Variants in PDE11A observed in about 807,000 individuals in gnomAD.
PDE11A encodes the protein phosphodiesterase 11A.
A neutral mutation model predicts 100.5 loss-of-function variants in PDE11A; 100 were observed. The observed-to-expected ratio is 1.00, with a 90% CI of 0.85 to 1.18. The LOEUF (loss-of-function observed/expected upper bound fraction) is 1.18, where lower values mean the gene tolerates loss of function less well. Among genes scored for constraint, PDE11A ranks in the 50% most tolerant of loss-of-function variants. PDE11A has a pLI of 0.00. For synonymous variants in PDE11A, 381 were observed against 420.8 expected (o/e 0.91, Z 1.16); for missense variants, 1,141 against 1,152.6 (o/e 0.99, Z 0.15).
At chr2:177,994,257 TA>T (rs2086041944) in intron 2 of PDE11A, among the ~76,000 whole-genome samples, 1 of 152,124 alleles carries the variant, frequency 6.6e-6, no homozygotes, top group African/African-American at 2.4e-5. Flanking sequence ...GATGTTATCT[TA>T]ATGATTGATG....
chr2:177,915,228 A>G (rs933504581), intron 2 of PDE11A, among the ~76,000 whole-genome samples: 14 of 152,208 alleles, frequency 9.2e-5, no homozygotes, highest in African/African-American at 2.7e-4. Context: ...AAAGTCTACA[A>G]TAGGTTCACT....
chr2:177,928,000 A>G (rs2105760811), intron 2 of PDE11A, among the ~76,000 whole-genome samples: 1 of 147,876 alleles, frequency 6.8e-6, no homozygotes, highest in Non-Finnish European at 1.5e-5. Context: ...GCTACTCGGG[A>G]GGCTGAGGCA....
chr2:177,794,528 A>G (rs2105541904), intron 9 of PDE11A, among the ~76,000 whole-genome samples: 1 of 152,310 alleles, frequency 6.6e-6, no homozygotes. Context: ...GGCCCAGTAT[A>G]CTTGCTAAAT....
chr2:177,704,653 T>C (rs1030259422), intron 13 of PDE11A, among the ~76,000 whole-genome samples: 1 of 152,160 alleles, frequency 6.6e-6, no homozygotes, highest in Non-Finnish European at 1.5e-5. Context: ...TTCTTCTGAA[T>C]GTTAAATGGC....
intron 10 of PDE11A, among the ~76,000 whole-genome samples, chr2:177,764,994 T>C (rs924729229): frequency 1.3e-5 from 2 of 152,248 alleles, no homozygotes; most frequent in African/African-American, 2.4e-5. Context: ...ACCCAAATTC[T>C]GACATTCTTG....
rs1435358998 is a variant in PDE11A at position 177,875,919 on chromosome 2, A to G, written c.1307T>C (p.Val436Ala). ...CAATTCAAAGGATTTGGTAAATTTC[A>G]CCACCTGTCGCATAGAAAGATAATA... is the stretch of plus-strand genomic sequence containing the variant. Reference protein sequence around the residue: ...LLLEDIESPVVKFTKSFELMS... With the variant: ...LLLEDIESPVAKFTKSFELMS... The change falls in exon 5 of 20, where the codon GTG becomes GCG. Residue 436 changes from valine (V) to alanine (A), a missense_variant. Physicochemically the swap from Val to Ala is moderately conservative, Grantham distance 64 (BLOSUM62 0). Transcript: ENST00000286063. 1.2e-6 allele frequency: 2 copies of G among 1,600,080 alleles called. No homozygotes were observed. Among genetic ancestry groups the G allele is most frequent in the South Asian group, 1.1e-5 (1 of 90,828 alleles).
At chr2:177,840,158 G>C (rs1202388682) in intron 6 of PDE11A, 93 bp downstream of exon 6, 24 of 1,318,644 alleles carry the variant, frequency 1.8e-5, no homozygotes, top group Non-Finnish European at 2.5e-5. Context: ...GGATGCAAAA[G>C]AATTGCTGGT....
chr2:177,880,371 C>T (rs2084310529), intron 4 of PDE11A, among the ~76,000 whole-genome samples: 1 of 152,064 alleles, frequency 6.6e-6, no homozygotes, highest in African/African-American at 2.4e-5. Flanking sequence ...GTGATCAAGC[C>T]CCAATAAAGA....
At chr2:177,642,934 G>C (rs527708202) in intron 19 of PDE11A, among the ~76,000 whole-genome samples, 32 of 152,310 alleles carry the variant, frequency 2.1e-4, no homozygotes, top group Admixed American at 1.1e-3. Context: ...GAGTTTCCCT[G>C]TACAAGCTCT....
At chr2:177,910,749 T>A (rs1254892635) in intron 2 of PDE11A, among the ~76,000 whole-genome samples, 2 of 152,214 alleles carry the variant, frequency 1.3e-5, no homozygotes, top group African/African-American at 4.8e-5. Flanking sequence ...CTCATTAAAC[T>A]ATCACTAATA....
intron 2 of PDE11A, chr2:178,104,288 C>A (rs749703994): frequency 6.2e-7 from 1 of 1,610,938 alleles, no homozygotes; most frequent in South Asian, 1.1e-5. Flanking sequence ...TCTCCCACAA[C>A]TGCTAGTTTT....
At chr2:178,055,788 A>C (rs2105861423) in intron 1 of PDE11A, among the ~76,000 whole-genome samples, 1 of 152,248 alleles carries the variant, frequency 6.6e-6, no homozygotes, top group South Asian at 2.1e-4. Flanking sequence ...ACGTTTTTCT[A>C]TTTCAAATAT....
At chr2:178,046,040 A>C (rs2086746103) in intron 1 of PDE11A, among the ~76,000 whole-genome samples, 1 of 152,208 alleles carries the variant, frequency 6.6e-6, no homozygotes, top group Non-Finnish European at 1.5e-5. Context: ...TAAACTTGGG[A>C]AAGTTACTAA....
chr2:178,019,391 C>G (rs1293014687), intron 1 of PDE11A, among the ~76,000 whole-genome samples: 1 of 152,148 alleles, frequency 6.6e-6, no homozygotes, highest in Non-Finnish European at 1.5e-5. Context: ...TGTCTTAAAA[C>G]AATCTGCCTA....
At chr2:177,998,507 T>A (rs986563862) in intron 2 of PDE11A, 5 of 1,387,226 alleles carry the variant, frequency 3.6e-6, no homozygotes, top group Non-Finnish European at 5.1e-6. Flanking sequence ...CAGTGGTAAA[T>A]TGAGGCAGTT....
At chr2:177,816,428 C>T (rs956896651) in intron 9 of PDE11A, among the ~76,000 whole-genome samples, 2 of 150,162 alleles carry the variant, frequency 1.3e-5, no homozygotes, top group Non-Finnish European at 2.9e-5. Flanking sequence ...AGTAGCTTTC[C>T]CCATCTAGGT....
At chr2:178,094,054 T>A (rs79291826) in intron 2 of PDE11A, among the ~76,000 whole-genome samples, 13,583 of 152,220 alleles carry the variant, frequency 0.089, 675 homozygotes, top group Middle Eastern at 0.13. Context: ...CAGACCATCA[T>A]CCTTATTTTC....
At chr2:178,021,635 C>T (rs2086413536) in intron 1 of PDE11A, among the ~76,000 whole-genome samples, 1 of 152,158 alleles carries the variant, frequency 6.6e-6, no homozygotes, top group African/African-American at 2.4e-5. Flanking sequence ...GCCAAGTAAT[C>T]ACCACAAATG....
chr2:177,905,774 G>C (rs896379824), intron 2 of PDE11A, among the ~76,000 whole-genome samples: 2 of 152,180 alleles, frequency 1.3e-5, no homozygotes, highest in African/African-American at 4.8e-5. Flanking sequence ...AGTTCTAATT[G>C]TGTCTGCCAC....
Sources: gnomAD v4.1 joint callset for allele counts (sites outside exome capture counted in the v4.1 genomes callset) on GRCh38, gnomAD v4.1.1 for gene constraint, MANE v1.5 for transcripts, NCBI Gene and HGNC (gene_info 2026-07-23, HGNC 2026-07-21) for gene names.